ARHGAP17: variants seen among roughly 807,000 people sequenced by gnomAD.
The protein encoded by ARHGAP17 is rho GTPase-activating protein 17.
In ARHGAP17, 57 loss-of-function variants were observed where a neutral mutation model predicts 99.5. That is an observed-to-expected ratio of 0.57 (90% confidence interval 0.46 to 0.71). The LOEUF (loss-of-function observed/expected upper bound fraction) is 0.71. ARHGAP17 is among the 30% of genes least tolerant of loss of function. ARHGAP17 has a pLI of 0.00. For synonymous variants in ARHGAP17, 417 were observed against 429.6 expected (o/e 0.97, Z 0.36); for missense variants, 1,000 against 1,122.4 (o/e 0.89, Z 1.56).
At chr16:24,946,334 A>G (rs2051472629) in intron 14 of ARHGAP17, among the ~76,000 whole-genome samples, 2 of 151,962 alleles carry the variant, frequency 1.3e-5, no homozygotes, top group Non-Finnish European at 2.9e-5. Flanking sequence ...AAGCCACGTG[A>G]CATGCCCATA....
chr16:24,953,905 A>T (rs2051722308), intron 10 of ARHGAP17, among the ~76,000 whole-genome samples: 1 of 152,132 alleles, frequency 6.6e-6, no homozygotes, highest in African/African-American at 2.4e-5. Flanking sequence ...AAACACAAGG[A>T]GGGCTTCCGG....
At chr16:24,992,209 A>G (rs151209024) in intron 1 of ARHGAP17, among the ~76,000 whole-genome samples, 5 of 152,354 alleles carry the variant, frequency 3.3e-5, no homozygotes, top group Non-Finnish European at 7.3e-5. Context: ...TTCAGAATGA[A>G]AAGTAGAATA....
At chr16:25,000,303 T>C (rs1323062211) in intron 1 of ARHGAP17, among the ~76,000 whole-genome samples, 1 of 152,182 alleles carries the variant, frequency 6.6e-6, no homozygotes, top group Middle Eastern at 3.2e-3. Context: ...GGCTCCCATC[T>C]AGAAAAAGCA....
intron 14 of ARHGAP17, among the ~76,000 whole-genome samples, chr16:24,946,529 C>G (rs899214731): frequency 1.3e-5 from 2 of 151,062 alleles, no homozygotes; most frequent in Middle Eastern, 6.8e-3. Context: ...GGGCAGAATA[C>G]GCTATCCCAA....
intron 3 of ARHGAP17, among the ~76,000 whole-genome samples, chr16:24,972,162 G>A (rs879731986): frequency 1.3e-5 from 2 of 152,242 alleles, no homozygotes; most frequent in South Asian, 4.1e-4. Flanking sequence ...GGCTTGTACT[G>A]GACAGAATAT....
In ARHGAP17 at chr16:24,931,066, G is replaced by A. The variant is rs112616751; in HGVS notation, c.2233C>T (p.His745Tyr). Reference protein sequence around the residue: ...PPNPMALPSEHGLEQPSHTPP... With the variant: ...PPNPMALPSEYGLEQPSHTPP... ...GTGTGAGATGGCTGCTCAAGTCCAT[G>A]CTCACTGGGCAATGCCATGGGGTTG... Residue 745 changes from histidine (H) to tyrosine (Y), a missense_variant, in exon 19 of 20, where the codon CAT becomes TAT. His to Tyr is a moderately conservative substitution (Grantham distance 83). This residue lies in a region of ARHGAP17 where 528 missense variants were observed against 511.4 expected (regional missense o/e 1.03). Transcript: ENST00000289968. The A allele has an allele frequency of 1.2e-6, 2 of 1,606,086 alleles. No individual in the cohort carries two copies. The highest frequency in any genetic ancestry group is 3.4e-5 in the Admixed American group (2 of 59,476).
Position 24,920,226 on chromosome 16 carries a change from G to C in ARHGAP17, c.2550C>G (p.Ser850Arg). 1 of 1,614,128 alleles carries C rather than the reference G, an allele frequency of 6.2e-7. No homozygotes were observed. The highest frequency in any genetic ancestry group is 1.1e-5 in the South Asian group (1 of 91,082). ...AGTCTGAGTGCATTTCAGGAAAGAT[G>C]CTGCGATGCGGTTCTGAAACCCTGG... Reference protein sequence around the residue: ...SNSRVSEPHRSIFPEMHSDSA... With the variant: ...SNSRVSEPHRRIFPEMHSDSA... Residue 850 changes from serine to arginine, a missense_variant, in exon 20 of 20, where the codon AGC (serine) becomes AGG (arginine). Around this residue, in one of 2 missense-constraint regions of ARHGAP17, gnomAD observed 528 missense variants for 511.4 expected, o/e 1.03. Transcript: ENST00000289968.
intron 12 of ARHGAP17, 83 bp downstream of exon 12, chr16:24,952,206 C>T (rs1198043406): frequency 2.0e-6 from 2 of 1,017,436 alleles, no homozygotes; most frequent in African/African-American, 3.3e-5. Context: ...CTTATGATCC[C>T]TGAGAATAAA....
intron 19 of ARHGAP17, among the ~76,000 whole-genome samples, chr16:24,928,887 G>A (rs2050909318): frequency 6.6e-6 from 1 of 152,228 alleles, no homozygotes; most frequent in South Asian, 2.1e-4. Flanking sequence ...ATAATTCAGT[G>A]TAGGGTATTT....
rs1475216175 is a variant in ARHGAP17, at chr16:24,968,445, C to G, written c.385-18G>C. ...ATCTCCACCTAAAAATAAGAACATA[C>G]CAAATGGGATGCACTTCAGGGCTTT... is the stretch of plus-strand genomic sequence containing the variant. On this transcript the variant is annotated intron_variant, in intron 5 of 19. Coordinates refer to ENST00000289968, the MANE Select transcript of ARHGAP17 (RefSeq NM_001006634.3). 6.2e-7 allele frequency: 1 copy of G among 1,613,918 alleles called. No homozygotes were observed. Among genetic ancestry groups the G allele is most frequent in the South Asian group, 1.1e-5 (1 of 91,082 alleles).
intron 13 of ARHGAP17, among the ~76,000 whole-genome samples, chr16:24,948,722 C>A (rs2051546159): frequency 6.6e-6 from 1 of 151,790 alleles, no homozygotes; most frequent in Non-Finnish European, 1.5e-5. Context: ...AGGCATATCA[C>A]CTGTAAACTA....
chr16:24,985,716 A>G, intron 1 of ARHGAP17, among the ~76,000 whole-genome samples: 1 of 152,320 alleles, frequency 6.6e-6, no homozygotes, highest in Non-Finnish European at 1.5e-5. Flanking sequence ...GGATCTGGAC[A>G]TGTTTCGGGA....
At position 24,931,424 on chromosome 16, in the gene ARHGAP17, A is replaced by C; in HGVS notation, c.1895-20T>G. 1 of 1,496,510 alleles carries C rather than the reference A, an allele frequency of 6.7e-7. No homozygotes were observed. Among genetic ancestry groups the C allele is most frequent in the South Asian group, 1.4e-5 (1 of 72,034 alleles). The allele number at this position is 1,496,510 out of a possible 1,614,324, so 92.7% of individuals were successfully genotyped here. On this transcript the variant is annotated intron_variant, in intron 18 of 19. Coordinates refer to ENST00000289968, the MANE Select transcript of ARHGAP17 (RefSeq NM_001006634.3). ...TAACAGCTGCACAAAAAGAGAAAAA[A>C]CACCTTTCAGTAGGAACAGTGAGGC...
intron 6 of ARHGAP17, among the ~76,000 whole-genome samples, chr16:24,966,348 T>C (rs1402027139): frequency 6.6e-6 from 1 of 152,030 alleles, no homozygotes; most frequent in Non-Finnish European, 1.5e-5. Flanking sequence ...AATAAAAAGC[T>C]GGGGCTGGTT....
chr16:25,007,564 C>T (rs1298418676), intron 1 of ARHGAP17, among the ~76,000 whole-genome samples: 1 of 152,066 alleles, frequency 6.6e-6, no homozygotes, highest in African/African-American at 2.4e-5. Context: ...CAGGATCTTG[C>T]TATGTTGCTC....
chr16:24,999,208 G>A (rs13330044), intron 1 of ARHGAP17, among the ~76,000 whole-genome samples: 5,111 of 152,220 alleles, frequency 0.034, 300 homozygotes, highest in African/African-American at 0.12. Context: ...TTTCATCTGA[G>A]AAGTTTCTGT....
intron 14 of ARHGAP17, among the ~76,000 whole-genome samples, chr16:24,944,763 C>G (rs1244459456): frequency 6.6e-6 from 1 of 151,958 alleles, no homozygotes; most frequent in Non-Finnish European, 1.5e-5. Context: ...ACTACAGGCA[C>G]CTGCCACCGC....
chr16:24,987,121 G>A (rs1319924514), intron 1 of ARHGAP17, among the ~76,000 whole-genome samples: 1 of 152,132 alleles, frequency 6.6e-6, no homozygotes, highest in African/African-American at 2.4e-5. Context: ...AACATTTCAG[G>A]CTTGCAGACC....
intron 3 of ARHGAP17, among the ~76,000 whole-genome samples, chr16:24,974,026 G>A (rs1021565587): frequency 6.6e-6 from 1 of 152,262 alleles, no homozygotes; most frequent in African/African-American, 2.4e-5. Flanking sequence ...GTCATCTAAA[G>A]AGTGTGGACT....
Sources: allele counts gnomAD v4.1 joint callset (sites outside exome capture counted in the v4.1 genomes callset), GRCh38; gene constraint gnomAD v4.1.1; regional missense constraint gnomAD v4.1.1; transcripts MANE v1.5; gene names NCBI Gene and HGNC (gene_info 2026-07-23, HGNC 2026-07-21).